The following ADAM18 variants were observed in gnomAD, a reference collection of about 807,000 sequenced individuals.
ADAM18 encodes the protein ADAM metallopeptidase domain 18, also known as disintegrin and metalloproteinase domain-containing protein 18.
A neutral mutation model predicts 94.4 loss-of-function variants in ADAM18; 117 were observed. The ratio of observed to expected loss-of-function variants is 1.24; its 90% CI spans 1.07 to 1.45. The LOEUF (loss-of-function observed/expected upper bound fraction) is 1.45, where lower values mean the gene tolerates loss of function less well. Among genes scored for constraint, ADAM18 ranks in the 40% most tolerant of loss-of-function variants. ADAM18 has a pLI of 0.00. For synonymous variants in ADAM18, 327 were observed against 291.6 expected, an observed-to-expected ratio of 1.12 and a Z score of -1.24; for missense variants, 936 against 880.0, an observed-to-expected ratio of 1.06 and a Z score of -0.81.
At chr8:39,680,554 T>C (rs546023127) in intron 16 of ADAM18, among the ~76,000 whole-genome samples, 1 of 152,342 alleles carries the variant, frequency 6.6e-6, no homozygotes, top group Admixed American at 6.5e-5. Flanking sequence ...AGAACATTAA[T>C]TGACTTTACA....
chr8:39,663,198 T>C (rs1820890490), intron 12 of ADAM18, among the ~76,000 whole-genome samples: 1 of 152,068 alleles, frequency 6.6e-6, no homozygotes, highest in Non-Finnish European at 1.5e-5. Flanking sequence ...GAGTTAATTA[T>C]GAAATATTTT....
chr8:39,694,243 T>A (rs901380412), intron 17 of ADAM18, among the ~76,000 whole-genome samples: 7 of 151,362 alleles, frequency 4.6e-5, no homozygotes, highest in African/African-American at 1.7e-4. Flanking sequence ...TTTATTATAA[T>A]TTTCAATTAA....
At chr8:39,595,395 C>T (rs1818711029) in intron 2 of ADAM18, among the ~76,000 whole-genome samples, 2 of 152,220 alleles carry the variant, frequency 1.3e-5, no homozygotes, top group Admixed American at 1.3e-4. Flanking sequence ...TTCCAGGTTG[C>T]TGTCTTCTCC....
At chr8:39,592,154 G>C (rs184903179) in intron 2 of ADAM18, among the ~76,000 whole-genome samples, 1 of 152,264 alleles carries the variant, frequency 6.6e-6, no homozygotes. Flanking sequence ...AAGGGCCCTA[G>C]CATTGTTAGA....
Position 39,648,441 on chromosome 8 carries a change from A to T in ADAM18, c.1144A>T (p.Asn382Tyr). 1.2e-6 allele frequency: 2 copies of T among 1,612,996 alleles called. No individual in the cohort carries two copies. The highest frequency in any genetic ancestry group is 3.3e-5 in the Admixed American group (2 of 59,828). Residue 382 changes from asparagine to tyrosine, a missense_variant, in exon 12 of 20, where the codon AAT (asparagine) becomes TAT (tyrosine). Physicochemically the swap from Asn to Tyr is moderately radical, Grantham distance 143. Coordinates refer to ENST00000265707, the MANE Select transcript of ADAM18 (RefSeq NM_014237.3). ...FETKCLQKLS[N>Y]LQPLHQNQPV... The stretch of plus-strand genomic sequence containing the variant: ...GACTAAATGCCTTCAGAAGCTTTCA[A>T]ATTTGCAACCATTACATCAAAATCA...
intron 6 of ADAM18, among the ~76,000 whole-genome samples, chr8:39,613,129 A>T (rs1819327556): frequency 6.6e-6 from 1 of 152,162 alleles, no homozygotes; most frequent in South Asian, 2.1e-4. Flanking sequence ...ACATGCATGC[A>T]GACCCTGCTA....
chr8:39,607,794 G>C (rs1373422791), intron 3 of ADAM18, among the ~76,000 whole-genome samples: 8 of 143,080 alleles, frequency 5.6e-5, no homozygotes, highest in Admixed American at 4.8e-4. Context: ...GTACTCCATA[G>C]TATGGTTTCT....
At chr8:39,701,117 C>CAAAAAAAAAAAAAAAAAAAAAAAAAA (rs71237188) in intron 17 of ADAM18, among the ~76,000 whole-genome samples, 3 of 34,564 alleles carry the variant, frequency 8.7e-5, no homozygotes, top group African/African-American at 1.0e-4. Context: ...GACTCTGTCT[C>CAAAAAAAAAAAAAAAAAAAAAAAAAA]AAAAAAAAAA....
intron 16 of ADAM18, among the ~76,000 whole-genome samples, chr8:39,689,072 CTTTG>C (rs1208115197): frequency 1.3e-5 from 2 of 150,584 alleles, no homozygotes; most frequent in African/African-American, 4.9e-5. Context: ...TTTCTTGTAA[CTTTG>C]TTTAAGTTCT....
intron 7 of ADAM18, among the ~76,000 whole-genome samples, chr8:39,632,870 GT>G (rs1470793744): frequency 6.6e-6 from 1 of 152,078 alleles, no homozygotes; most frequent in Admixed American, 6.6e-5. Flanking sequence ...CTTTAAACTT[GT>G]TTTACTTTCT....
At chr8:39,695,791 C>A (rs1821908010) in intron 17 of ADAM18, among the ~76,000 whole-genome samples, 1 of 151,296 alleles carries the variant, frequency 6.6e-6, no homozygotes, top group Admixed American at 6.6e-5. Context: ...AAAACTATAT[C>A]ATTGTATGTA....
At chr8:39,709,051 A>C (rs1225289086) in intron 18 of ADAM18, among the ~76,000 whole-genome samples, 1 of 152,190 alleles carries the variant, frequency 6.6e-6, no homozygotes, top group Non-Finnish European at 1.5e-5. Flanking sequence ...AGCAAGGGCA[A>C]AGAGCCAGTG....
intron 18 of ADAM18, among the ~76,000 whole-genome samples, chr8:39,716,726 A>G (rs1822590086): frequency 6.6e-6 from 1 of 151,968 alleles, no homozygotes; most frequent in Non-Finnish European, 1.5e-5. Context: ...GGTGTTTAGT[A>G]TGATTCAAAC....
Position 39,638,554 on chromosome 8 carries a change from AT to A in ADAM18, c.909+13del. On this transcript the variant is annotated intron_variant, in intron 10 of 19. Coordinates refer to ENST00000265707, the MANE Select transcript of ADAM18 (RefSeq NM_014237.3). ...GATGCAGGTATTGCTATGGTATGTA[AT>A]TTTTATTCTTCTTTACATCACTATT... 3 of 1,506,224 alleles carry A rather than the reference AT, an allele frequency of 2.0e-6. No homozygotes were observed. The highest frequency in any genetic ancestry group is 2.0e-5 in the Admixed American group (1 of 50,678). 93.3% of individuals were successfully genotyped at this position (1,506,224 alleles called of 1,614,324 possible).
intron 16 of ADAM18, among the ~76,000 whole-genome samples, chr8:39,692,150 G>A (rs1290263094): frequency 3.3e-5 from 5 of 151,700 alleles, no homozygotes; most frequent in African/African-American, 9.7e-5. Flanking sequence ...TTATTCTGAG[G>A]AATCTTATAA....
chr8:39,643,743 T>C (rs2129579461), intron 10 of ADAM18, among the ~76,000 whole-genome samples: 1 of 152,116 alleles, frequency 6.6e-6, no homozygotes, highest in South Asian at 2.1e-4. Context: ...TGCCTTTCTG[T>C]TCACATGAAG....
At position 39,610,707 on chromosome 8, in the gene ADAM18, G is replaced by C; in HGVS notation, c.522+1G>C. 1 of 1,611,622 alleles carries C rather than the reference G, an allele frequency of 6.2e-7. No individual in the cohort carries two copies. The highest frequency in any genetic ancestry group is 8.5e-7 in the Non-Finnish European group (1 of 1,178,956). ...CTACAAAGTTCCTTTAAACTCACAG[G>C]TGACTGTCATCATTCTGATGTTATG... On this transcript the variant is annotated splice_donor_variant, in intron 6 of 19. Coordinates refer to ENST00000265707, the MANE Select transcript of ADAM18 (RefSeq NM_014237.3). LOFTEE classifies it high-confidence loss of function.
At chr8:39,722,217 GTATATA>G (rs61542840) in intron 18 of ADAM18, among the ~76,000 whole-genome samples, 3,990 of 90,576 alleles carry the variant, frequency 0.044, 109 homozygotes, top group East Asian at 0.062. Flanking sequence ...GTGTGTGTGT[GTATATA>G]TATATATATA....
intron 12 of ADAM18, among the ~76,000 whole-genome samples, chr8:39,663,081 G>GAAT (rs1820887927): frequency 6.6e-6 from 1 of 151,906 alleles, no homozygotes; most frequent in Non-Finnish European, 1.5e-5. Flanking sequence ...TTTACAATTG[G>GAAT]AATCCTTAGT....
Sources: allele counts gnomAD v4.1 joint callset (sites outside exome capture counted in the v4.1 genomes callset), GRCh38; gene constraint gnomAD v4.1.1; transcripts MANE v1.5; gene names NCBI Gene and HGNC (gene_info 2026-07-23, HGNC 2026-07-21).